The following HDAC9 variants were observed in gnomAD, a reference collection of about 807,000 sequenced individuals.
HDAC9 encodes the protein histone deacetylase 9, also known as MEF-2 interacting transcription repressor (MITR) protein.
HDAC9 carries 41 observed loss-of-function variants against 139.4 expected under a neutral mutation model. The observed-to-expected ratio is 0.29, with a 90% confidence interval of 0.23 to 0.38. The LOEUF (loss-of-function observed/expected upper bound fraction) is 0.38, where lower values mean the gene tolerates loss of function less well. HDAC9 is among the 10% of genes least tolerant of loss of function. The pLI is 1.00. For missense variants in HDAC9, 1,147 were observed against 1,297.0 expected (o/e 0.88, Z 1.78); for synonymous variants, 517 against 476.2 (o/e 1.09, Z -1.12).
At chr7:18,257,344 A>G (rs936436320) in intron 2 of HDAC9, among the ~76,000 whole-genome samples, 3 of 149,796 alleles carry the variant, frequency 2.0e-5, no homozygotes, top group African/African-American at 7.4e-5. Context: ...CCTGGATGAC[A>G]CAATGAGACC....
In HDAC9 at chr7:18,164,054, G is replaced by A. The variant is rs560989250; in HGVS notation, c.25+1705G>A. 1.4e-4 allele frequency among the ~76,000 whole-genome samples: 22 copies of A among 152,274 alleles called. 1 individual carries two copies. In the East Asian group the frequency reaches 2.5e-3, roughly 17 times the overall value. On this transcript the variant is annotated intron_variant, in intron 2 of 12. Transcript: ENST00000417496. The stretch of plus-strand genomic sequence containing the variant: ...ATTGAATGAAGCTCACTTGACTTTA[G>A]GGTCACCAAAATTTCCTCGTGTACT...
At chr7:18,246,549 T>A (rs1269734873) in intron 2 of HDAC9, among the ~76,000 whole-genome samples, 4 of 152,058 alleles carry the variant, frequency 2.6e-5, no homozygotes, top group Non-Finnish European at 5.9e-5. Context: ...AAATTCCTAA[T>A]CTTCTTTCTA....
chr7:18,640,130 G>A (rs975796844), intron 8 of HDAC9, among the ~76,000 whole-genome samples: 1 of 151,688 alleles, frequency 6.6e-6, no homozygotes, highest in Non-Finnish European at 1.5e-5. Context: ...AGGCATGGGG[G>A]CTCACATCTA....
At chr7:18,737,763 T>C (rs1338723207) in intron 13 of HDAC9, among the ~76,000 whole-genome samples, 1 of 152,190 alleles carries the variant, frequency 6.6e-6, no homozygotes, top group African/African-American at 2.4e-5. Flanking sequence ...GTTCTGTAGA[T>C]GTCTATTAGG....
chr7:18,940,276 A>G lies in HDAC9; in HGVS notation c.2937+4334A>G, dbSNP rs1781936671. On this transcript the variant is annotated intron_variant, in intron 23 of 25. Transcript: ENST00000686413. ...CTTCTTTTTAAATATCTTTATCATG[A>G]AAATGATCTACTTAGCAAAACATCT... 2.0e-5 allele frequency among the ~76,000 whole-genome samples: 3 copies of G among 152,310 alleles called. No homozygotes were observed. The South Asian group carries it at 6.2e-4, about 32-fold the overall frequency.
chr7:18,630,338 G>A (rs1781956360), intron 7 of HDAC9, among the ~76,000 whole-genome samples: 1 of 151,854 alleles, frequency 6.6e-6, no homozygotes, highest in South Asian at 2.1e-4. Context: ...ACCAATGTGG[G>A]CAGTTGGTAT....
intron 17 of HDAC9, among the ~76,000 whole-genome samples, chr7:18,810,565 A>G (rs141967239): frequency 3.9e-4 from 59 of 152,030 alleles, no homozygotes; most frequent in African/African-American, 1.3e-3. Flanking sequence ...AATAGAACAC[A>G]CAGATTTTCA....
At chr7:18,906,246 G>A (rs901636805) in intron 22 of HDAC9, among the ~76,000 whole-genome samples, 2 of 151,918 alleles carry the variant, frequency 1.3e-5, no homozygotes, top group African/African-American at 2.4e-5. Flanking sequence ...CCAGGCTCAA[G>A]TGATTCTCCT....
At chr7:18,455,219 TA>T (rs1232065219) in intron 1 of HDAC9, among the ~76,000 whole-genome samples, 1 of 152,104 alleles carries the variant, frequency 6.6e-6, no homozygotes, top group Non-Finnish European at 1.5e-5. Flanking sequence ...GTCATGTAAA[TA>T]AAGATAAAAT....
intron 2 of HDAC9, among the ~76,000 whole-genome samples, chr7:18,540,580 C>T (rs1436510042): frequency 1.3e-5 from 2 of 151,978 alleles, no homozygotes; most frequent in Middle Eastern, 3.4e-3. Flanking sequence ...GGGGGTTAAA[C>T]AGACATGAAA....
At chr7:18,171,613 A>G (rs1788451524) in intron 2 of HDAC9, among the ~76,000 whole-genome samples, 1 of 152,142 alleles carries the variant, frequency 6.6e-6, no homozygotes, top group Non-Finnish European at 1.5e-5. Context: ...ATTTTGAGAT[A>G]TGTTCCATCG....
intron 1 of HDAC9, among the ~76,000 whole-genome samples, chr7:18,094,133 C>T (rs1047875324): frequency 6.6e-6 from 1 of 152,136 alleles, no homozygotes. Context: ...ATGGACTACT[C>T]CACTGTGGCC....
At chr7:18,762,380 A>G (rs1789468025) in intron 15 of HDAC9, 103 bp downstream of exon 15, 1 of 1,373,030 alleles carries the variant, frequency 7.3e-7, no homozygotes, top group Non-Finnish European at 1.0e-6. Context: ...GCAACAAAAA[A>G]TCAGTTTTTC....
intron 2 of HDAC9, among the ~76,000 whole-genome samples, chr7:18,271,947 A>G (rs547711680): frequency 3.3e-4 from 51 of 152,342 alleles, no homozygotes; most frequent in Non-Finnish European, 5.9e-4. Flanking sequence ...CTGTTCCAAC[A>G]TCTTTGAGAG....
intron 17 of HDAC9, among the ~76,000 whole-genome samples, chr7:18,824,084 G>GAAGAAGAAGAAGAAGAAGAAGAAC (rs1554367982): frequency 6.9e-6 from 1 of 144,374 alleles, no homozygotes; most frequent in East Asian, 2.0e-4. Flanking sequence ...AGAAGAAGAA[G>GAAGAAGAAGAAGAAGAAGAAGAAC]AAGAACAAGA....
chr7:18,808,879 AAACAAC>A (rs144137635), intron 17 of HDAC9, among the ~76,000 whole-genome samples: 3 of 151,872 alleles, frequency 2.0e-5, no homozygotes, highest in African/African-American at 7.3e-5. Flanking sequence ...AAAACAAAAC[AAACAAC>A]AACAACAACA....
intron 21 of HDAC9, among the ~76,000 whole-genome samples, chr7:18,870,325 G>A (rs1438243591): frequency 6.6e-6 from 1 of 151,902 alleles, no homozygotes; most frequent in Non-Finnish European, 1.5e-5. Context: ...ATCTTCCCTT[G>A]TTTTTTATGG....
chr7:18,824,414 C>A (rs111840245), intron 17 of HDAC9, among the ~76,000 whole-genome samples: 5 of 152,076 alleles, frequency 3.3e-5, no homozygotes, highest in Non-Finnish European at 7.4e-5. Context: ...TGAAGTTTAA[C>A]CCAGATAAGA....
intron 2 of HDAC9, among the ~76,000 whole-genome samples, chr7:18,251,370 G>T (rs890762883): frequency 6.6e-6 from 1 of 152,100 alleles, no homozygotes; most frequent in African/African-American, 2.4e-5. Context: ...AAGAGTGGTG[G>T]GGGGAGGGAG....
Sources: allele counts gnomAD v4.1 joint callset (sites outside exome capture counted in the v4.1 genomes callset), GRCh38; gene constraint gnomAD v4.1.1; transcripts MANE v1.5; gene names NCBI Gene and HGNC (gene_info 2026-07-23, HGNC 2026-07-21).